Variants in NPAS2 observed in about 807,000 individuals in gnomAD.
The protein encoded by NPAS2 is neuronal PAS domain protein 2, also known as neuronal PAS domain-containing protein 2.
A neutral mutation model predicts 107.5 loss-of-function variants in NPAS2; 23 were observed. The ratio of observed to expected loss-of-function variants is 0.21; its 90% CI spans 0.15 to 0.30. The LOEUF is 0.30. Among genes scored for constraint, NPAS2 ranks in the 10% least tolerant of loss-of-function variants. NPAS2 has a pLI of 1.00. For synonymous variants in NPAS2, 403 were observed against 417.5 expected (o/e 0.97, Z 0.42); for missense variants, 756 against 1,043.3 (o/e 0.72, Z 3.79).
intron 1 of NPAS2, among the ~76,000 whole-genome samples, chr2:100,884,862 T>A (rs1680593312): frequency 6.6e-6 from 1 of 152,032 alleles, no homozygotes; most frequent in South Asian, 2.1e-4. Context: ...ACTTCTGCCG[T>A]TTTGTTTTAA....
In NPAS2 at chr2:100,968,294, C is replaced by T; in HGVS notation, c.921C>T (p.Gly307=). The change falls in exon 11 of 21, where the codon GGC becomes GGT. Residue 307 remains glycine (G), a synonymous_variant. Coordinates refer to ENST00000335681, the MANE Select transcript of NPAS2 (RefSeq NM_002518.4). The surrounding 1 kb of genome is among the most constrained non-coding windows in gnomAD (Gnocchi z 5.3). ...ARCHQHLMQF[G]KGKSCCYRFL... ...TTCTACCGACAGTGATGCAGTTTGG[C>T]AAAGGGAAGTCGTGTTGCTACCGGT... is the stretch of plus-strand genomic sequence containing the variant. 6.2e-7 allele frequency: 1 copy of T among 1,614,058 alleles called. No individual in the cohort carries two copies. Among genetic ancestry groups the T allele is most frequent in the African/African-American group, 1.3e-5 (1 of 75,022 alleles).
chr2:100,892,123 G>A (rs1345113474), intron 1 of NPAS2, among the ~76,000 whole-genome samples: 1 of 152,194 alleles, frequency 6.6e-6, no homozygotes, highest in Non-Finnish European at 1.5e-5. Flanking sequence ...TTGATAGAGA[G>A]TCCCCCTAAA....
At chr2:100,909,974 C>A (rs1682439056) in intron 2 of NPAS2, among the ~76,000 whole-genome samples, 1 of 152,136 alleles carries the variant, frequency 6.6e-6, no homozygotes, top group African/African-American at 2.4e-5. Context: ...TTTTACCCTG[C>A]TAGCGTTCTT....
intron 1 of NPAS2, among the ~76,000 whole-genome samples, chr2:100,864,548 G>A (rs1420886104): frequency 6.6e-6 from 1 of 152,166 alleles, no homozygotes; most frequent in Non-Finnish European, 1.5e-5. Flanking sequence ...AAACTCTGGA[G>A]CCATTTCTGA....
chr2:100,938,856 T>C (rs529844694), intron 5 of NPAS2, among the ~76,000 whole-genome samples: 2 of 152,078 alleles, frequency 1.3e-5, no homozygotes, highest in Non-Finnish European at 2.9e-5. Context: ...CTCTCTCCGC[T>C]CTCCTCCCAG....
chr2:100,888,221 A>G (rs930952033), intron 1 of NPAS2, among the ~76,000 whole-genome samples: 1 of 152,152 alleles, frequency 6.6e-6, no homozygotes, highest in Admixed American at 6.5e-5. Flanking sequence ...GAAGCTCTTC[A>G]TATTCTATAC....
intron 2 of NPAS2, among the ~76,000 whole-genome samples, chr2:100,906,085 C>G (rs1446361824): frequency 6.6e-6 from 1 of 152,198 alleles, no homozygotes; most frequent in East Asian, 1.9e-4. Context: ...TCTTAGTACT[C>G]TTTACTTTTG....
chr2:100,838,905 A>T (rs1348902752), intron 1 of NPAS2, among the ~76,000 whole-genome samples: 1 of 152,148 alleles, frequency 6.6e-6, no homozygotes. Context: ...ATATATTTAC[A>T]GTTGACCCTT....
In NPAS2 at chr2:100,995,698, A is replaced by G; in HGVS notation, c.*116A>G. 4 of 1,549,468 alleles carry G rather than the reference A, an allele frequency of 2.6e-6. No homozygotes were observed. Among genetic ancestry groups the G allele is most frequent in the Non-Finnish European group, 1.7e-6 (2 of 1,147,110 alleles). On this transcript the variant is annotated 3_prime_UTR_variant, in exon 21 of 21. Coordinates refer to ENST00000335681, the MANE Select transcript of NPAS2 (RefSeq NM_002518.4). ...CCCCTGGCTTTTGTGCACACTGCAT[A>G]CGTTTCAGAACTCCTGGATGGTAAC...
intron 7 of NPAS2, among the ~76,000 whole-genome samples, chr2:100,954,681 G>GAAA (rs371832114): frequency 1.1e-5 from 1 of 94,510 alleles, no homozygotes; most frequent in African/African-American, 4.6e-5. Context: ...AAAAAAAAAA[G>GAAA]AAAAAAAAGA....
chr2:100,985,347 G>GTCCA (rs1351481251), intron 16 of NPAS2: 1 of 152,660 alleles, frequency 6.6e-6, no homozygotes, highest in Admixed American at 6.6e-5. Flanking sequence ...CCATCCTTTA[G>GTCCA]TCCATCCATC....
intron 1 of NPAS2, among the ~76,000 whole-genome samples, chr2:100,861,598 G>A (rs1038332836): frequency 1.3e-5 from 2 of 152,168 alleles, no homozygotes; most frequent in South Asian, 2.1e-4. Context: ...GGGCTCAGGG[G>A]TCTGGGACAC....
Position 100,964,302 on chromosome 2 carries a change from G to A in NPAS2, c.717+126G>A, listed in dbSNP as rs138235149. On this transcript the variant is annotated intron_variant, in intron 8 of 20. Transcript: ENST00000335681. ...GAAGTTGTCACTGGCTTTGAAAATC[G>A]AAGTGTCTGGCTTCTGTGCCTGCAC... 417 of 743,728 alleles carry A rather than the reference G, an allele frequency of 5.6e-4. No individual in the cohort carries two copies. The African/African-American group carries it at 6.2e-3, about 11-fold the overall frequency. 46.1% of individuals were successfully genotyped at this position (743,728 alleles called of 1,614,324 possible).
intron 5 of NPAS2, 25 bp from the exon 6 acceptor site, chr2:100,948,210 C>G: frequency 6.2e-7 from 1 of 1,609,436 alleles, no homozygotes; most frequent in Non-Finnish European, 8.5e-7. Context: ...GAGGGTGTAC[C>G]TTTGTCCTTT....
At chr2:100,872,333 A>G (rs889264964) in intron 1 of NPAS2, among the ~76,000 whole-genome samples, 1 of 152,202 alleles carries the variant, frequency 6.6e-6, no homozygotes, top group East Asian at 1.9e-4. Context: ...ATCTGGACAA[A>G]GGCAAACATG....
chr2:100,918,283 G>A (rs940625871), intron 2 of NPAS2, among the ~76,000 whole-genome samples: 2 of 152,032 alleles, frequency 1.3e-5, no homozygotes, highest in East Asian at 3.9e-4. Flanking sequence ...TGTAAAATAC[G>A]TAAAACTGTA....
chr2:100,909,165 T>C (rs1682362460), intron 2 of NPAS2, among the ~76,000 whole-genome samples: 1 of 152,210 alleles, frequency 6.6e-6, no homozygotes, highest in African/African-American at 2.4e-5. Context: ...ATCCCATCTG[T>C]ATTTGTTGAC....
chr2:100,958,779 A>G (rs970176130), intron 7 of NPAS2, among the ~76,000 whole-genome samples: 1 of 152,158 alleles, frequency 6.6e-6, no homozygotes, highest in Admixed American at 6.5e-5. Flanking sequence ...GGGCGAGGGA[A>G]GTTCACTTTC....
At chr2:100,885,761 C>G (rs1680660963) in intron 1 of NPAS2, among the ~76,000 whole-genome samples, 1 of 152,132 alleles carries the variant, frequency 6.6e-6, no homozygotes, top group Non-Finnish European at 1.5e-5. Flanking sequence ...TGCAACCTCC[C>G]CCAGCCAGGT....
Sources: allele counts gnomAD v4.1 joint callset (sites outside exome capture counted in the v4.1 genomes callset), GRCh38; gene constraint gnomAD v4.1.1; non-coding constraint Gnocchi (gnomAD v3.1); transcripts MANE v1.5; gene names NCBI Gene and HGNC (gene_info 2026-07-23, HGNC 2026-07-21).